ZNF729: variants seen among roughly 807,000 people sequenced by gnomAD.
The protein encoded by ZNF729 is zinc finger protein 729.
Under a neutral mutation model 12.2 loss-of-function variants are expected in ZNF729, and 15 were observed. The observed-to-expected ratio is 1.23, with a 90% CI of 0.82 to 1.89. ZNF729 has a LOEUF of 1.89. Ranked by LOEUF, ZNF729 falls within the 40% of genes most tolerant of loss-of-function variation. The probability of loss-of-function intolerance (pLI) is 0.00; values close to 1 mark genes in which losing one functional copy is unlikely to be tolerated. For synonymous variants in ZNF729, 492 were observed against 476.3 expected, an observed-to-expected ratio of 1.03 and a Z score of -0.43; for missense variants, 1,540 against 1,456.7, an observed-to-expected ratio of 1.06 and a Z score of -0.93.
intron 2 of ZNF729, 72 bp from the exon 3 acceptor site, chr19:22,304,616 A>T: frequency 7.8e-7 from 1 of 1,277,848 alleles, no homozygotes; most frequent in Non-Finnish European, 1.1e-6. Context: ...ATATTCTATT[A>T]CATTCTCTTT....
At chr19:22,297,718 G>A (rs955737988) in intron 1 of ZNF729, among the ~76,000 whole-genome samples, 2 of 151,614 alleles carry the variant, frequency 1.3e-5, no homozygotes, top group Admixed American at 6.6e-5. Flanking sequence ...TTAAGAACAC[G>A]TAAGGCTGGG....
intron 3 of ZNF729, 146 bp from the exon 4 acceptor site, chr19:22,313,525 C>A (rs1397664936): frequency 3.0e-6 from 2 of 665,198 alleles, no homozygotes; most frequent in Non-Finnish European, 4.5e-6. Flanking sequence ...GTTTTTGTTA[C>A]ATTTATATGT....
chr19:22,314,073 C>G lies in ZNF729; in HGVS notation c.656C>G (p.Ser219Trp), dbSNP rs546258167. 6.5e-7 allele frequency: 1 copy of G among 1,542,736 alleles called. No homozygotes were observed. The change falls in exon 4 of 4, where the codon TCG (serine) becomes TGG (tryptophan). Residue 219 changes from serine (S) to tryptophan (W), a missense_variant. Ser to Trp is a radical substitution (Grantham distance 177). Transcript: ENST00000601693. ...GAAGAACGTGGCAAAGCCTTTAAAT[C>G]GTTCTCAACCCTTACTAAACATAAG... ...KCEERGKAFK[S>W]FSTLTKHKII...
chr19:22,306,829 CTAT>C lies in ZNF729; in HGVS notation c.253+2053_253+2055del, dbSNP rs528683416. On this transcript the variant is annotated intron_variant, in intron 3 of 3. Coordinates refer to ENST00000601693, the MANE Select transcript of ZNF729 (RefSeq NM_001242680.2). ...TAGAAGAATTTTAAGGGTTTCTGCA[CTAT>C]TATTATAGTAAGAAATTTTATATAT... 4.4e-3 allele frequency among the ~76,000 whole-genome samples: 660 copies of C among 151,338 alleles called. 5 individuals carry two copies. Among genetic ancestry groups the C allele is most frequent in the African/African-American group, 0.015 (628 of 41,438 alleles).
intron 3 of ZNF729, among the ~76,000 whole-genome samples, chr19:22,311,821 C>CT (rs1968453155): frequency 6.6e-6 from 1 of 152,056 alleles, no homozygotes; most frequent in South Asian, 2.1e-4. Context: ...GTGTTGGTGT[C>CT]TATCTCATTT....
chr19:22,303,983 G>A, intron 2 of ZNF729, 99 bp downstream of exon 2: 1 of 1,192,496 alleles, frequency 8.4e-7, no homozygotes. Flanking sequence ...TACTATAAAT[G>A]AGTTTCACAT....
chr19:22,315,010 T>C lies in ZNF729; in HGVS notation c.1593T>C (p.Leu531=). 6.2e-7 allele frequency: 1 copy of C among 1,611,740 alleles called. No homozygotes were observed. Among genetic ancestry groups the C allele is most frequent in the Non-Finnish European group, 8.5e-7 (1 of 1,179,736 alleles). ...CGKAFSQSST[L]RNHQIIHTGE... ...AAGCTTTTAGCCAGTCCTCAACCCT[T>C]AGAAACCATCAGATAATTCATACTG... The change falls in exon 4 of 4, where the codon CTT becomes CTC. Residue 531 remains leucine, a synonymous_variant. Transcript: ENST00000601693.
At chr19:22,312,798 C>T (rs1962867) in intron 3 of ZNF729, among the ~76,000 whole-genome samples, 51,086 of 152,034 alleles carry the variant, frequency 0.34, 10,263 homozygotes, top group South Asian at 0.54. Flanking sequence ...ACCTCAACCT[C>T]CGCCTCCCAG....
intron 1 of ZNF729, among the ~76,000 whole-genome samples, chr19:22,303,269 G>A (rs1322465197): frequency 6.6e-6 from 1 of 151,890 alleles, no homozygotes; most frequent in Non-Finnish European, 1.5e-5. Flanking sequence ...ATTCTTTTTT[G>A]GGCCAAAAAC....
At chr19:22,313,575 T>G in intron 3 of ZNF729, 96 bp from the exon 4 acceptor site, 1 of 1,138,908 alleles carries the variant, frequency 8.8e-7, no homozygotes, top group Non-Finnish European at 1.2e-6. Flanking sequence ...TGCTGTGCCA[T>G]CTTATGTGGT....
rs180700187 is a variant in ZNF729, at chr19:22,309,765, G to A, written c.254-3906G>A. On this transcript the variant is annotated intron_variant, in intron 3 of 3. Coordinates refer to ENST00000601693, the MANE Select transcript of ZNF729 (RefSeq NM_001242680.2). ...GAAGAATGATGATGCTGTTTTGATG[G>A]GAACTGCATTGAGTTTGTAGATTGC... 9.9e-5 allele frequency among the ~76,000 whole-genome samples: 15 copies of A among 151,932 alleles called. No individual in the cohort carries two copies. The East Asian group carries it at 2.9e-3, about 29-fold the overall frequency.
chr19:22,296,478 T>C (rs1272579492), intron 1 of ZNF729, among the ~76,000 whole-genome samples: 1 of 126,500 alleles, frequency 7.9e-6, no homozygotes, highest in African/African-American at 2.7e-5. Context: ...AATTTCTCTT[T>C]TGTCATTAAC....
chr19:22,296,216 T>A (rs1238426802), intron 1 of ZNF729, among the ~76,000 whole-genome samples: 2 of 152,204 alleles, frequency 1.3e-5, no homozygotes, highest in Non-Finnish European at 1.5e-5. Flanking sequence ...CCCTTCGTTT[T>A]ACGTCTGGTT....
In ZNF729 at chr19:22,316,098, A is replaced by G. The variant is rs1404933119; in HGVS notation, c.2681A>G (p.Lys894Arg). ...GGTAAAGCTTTTAAGTGGTTGTCAA[A>G]ACTTACTGTACATAAGGTAATTCAT... ...ECGKAFKWLSKLTVHKVIHTA... is the reference protein window; with the variant it reads ...ECGKAFKWLSRLTVHKVIHTA... Residue 894 changes from lysine to arginine, a missense_variant, in exon 4 of 4, where the codon AAA (lysine) becomes AGA (arginine). By Grantham distance (26) the Lys-to-Arg change is conservative. Transcript: ENST00000601693. 55 of 1,610,226 alleles carry G rather than the reference A, an allele frequency of 3.4e-5. No individual in the cohort carries two copies. Among genetic ancestry groups the G allele is most frequent in the Non-Finnish European group, 4.6e-5 (54 of 1,179,468 alleles).
At chr19:22,290,292 A>C (rs1346875754) in intron 1 of ZNF729, among the ~76,000 whole-genome samples, 1 of 152,226 alleles carries the variant, frequency 6.6e-6, no homozygotes, top group Non-Finnish European at 1.5e-5. Flanking sequence ...GTTAAGGTTA[A>C]GATGAAAGGG....
At chr19:22,294,076 T>C (rs1234096938) in intron 1 of ZNF729, among the ~76,000 whole-genome samples, 1 of 151,768 alleles carries the variant, frequency 6.6e-6, no homozygotes, top group Middle Eastern at 3.2e-3. Flanking sequence ...TTCTAGGTTA[T>C]CTTGAAGGGT....
rs762724554 is a variant in ZNF729, at chr19:22,316,405, A to G, written c.2988A>G (p.Glu996=). ...GGGAGAAACCCTACAAATGCGAAGA[A>G]TGTGGCAAAGATTTTAACAATTCCT... The part of the protein sequence containing the change: ...HTGEKPYKCE[E]CGKDFNNSST... The change falls in exon 4 of 4, where the codon GAA becomes GAG. Residue 996 remains glutamate, a synonymous_variant. Transcript: ENST00000601693. 8 of 1,613,660 alleles carry G rather than the reference A, an allele frequency of 5.0e-6. No homozygotes were observed. The highest frequency in any genetic ancestry group is 5.9e-6 in the Non-Finnish European group (7 of 1,179,770).
Position 22,308,379 on chromosome 19 carries a change from A to G in ZNF729, c.253+3596A>G, listed in dbSNP as rs111348116. Among the ~76,000 whole-genome samples the G allele has an allele frequency of 3.0e-3, 454 of 152,290 alleles. 4 individuals are homozygous for G. The highest frequency in any genetic ancestry group is 0.011 in the African/African-American group (442 of 41,560). The stretch of plus-strand genomic sequence containing the variant: ...TGTAATGACTTCTTTTCTTCTGGGT[A>G]GATACCCAGTAGTGGGACTGCTGGG... On this transcript the variant is annotated intron_variant, in intron 3 of 3. Transcript: ENST00000601693.
At chr19:22,304,569 A>G in intron 2 of ZNF729, 119 bp from the exon 3 acceptor site, 2 of 847,632 alleles carry the variant, frequency 2.4e-6, no homozygotes, top group East Asian at 2.8e-5. Flanking sequence ...TTAGAAATGT[A>G]TGTTATAAAT....
Sources: gnomAD v4.1 joint callset for allele counts (sites outside exome capture counted in the v4.1 genomes callset) on GRCh38, gnomAD v4.1.1 for gene constraint, MANE v1.5 for transcripts, NCBI Gene and HGNC (gene_info 2026-07-23, HGNC 2026-07-21) for gene names.